ARHGAP24: variants seen among roughly 807,000 people sequenced by gnomAD.
ARHGAP24 encodes Rho GTPase activating protein 24, also known as rho GTPase-activating protein 24.
Under a neutral mutation model 76.4 loss-of-function variants are expected in ARHGAP24, and 50 were observed. That is an observed-to-expected ratio of 0.65 (90% CI 0.52 to 0.83). ARHGAP24 has a LOEUF of 0.83. Among genes scored for constraint, ARHGAP24 ranks in the 40% least tolerant of loss-of-function variants. The pLI is 0.00. For synonymous variants in ARHGAP24, 345 were observed against 323.3 expected (o/e 1.07, Z -0.72); for missense variants, 930 against 914.2 (o/e 1.02, Z -0.22).
intron 5 of ARHGAP24, 45 bp from the exon 6 acceptor site, chr4:85,971,991 A>G (rs1372955774): frequency 6.2e-7 from 1 of 1,613,660 alleles, no homozygotes; most frequent in Admixed American, 1.7e-5. Flanking sequence ...ATAGAATGGT[A>G]TGAAGTTTAC....
intron 4 of ARHGAP24, among the ~76,000 whole-genome samples, chr4:85,933,530 A>G (rs1345913723): frequency 6.6e-6 from 1 of 152,206 alleles, no homozygotes; most frequent in African/African-American, 2.4e-5. Flanking sequence ...AAGGTCACTG[A>G]AAATGATTTC....
At chr4:85,524,564 A>G (rs747878090) in intron 1 of ARHGAP24, among the ~76,000 whole-genome samples, 2 of 152,154 alleles carry the variant, frequency 1.3e-5, no homozygotes, top group Admixed American at 6.5e-5. Context: ...CCTATTTTAC[A>G]TTTGGGGAGA....
At chr4:85,948,999 C>T (rs1186203092) in intron 5 of ARHGAP24, among the ~76,000 whole-genome samples, 1 of 152,126 alleles carries the variant, frequency 6.6e-6, no homozygotes, top group African/African-American at 2.4e-5. Flanking sequence ...ATAAAAGAAG[C>T]CAATTAATAC....
intron 3 of ARHGAP24, among the ~76,000 whole-genome samples, chr4:85,894,216 T>A (rs2148782340): frequency 6.6e-6 from 1 of 152,014 alleles, no homozygotes; most frequent in East Asian, 1.9e-4. Context: ...TACATCTGGA[T>A]GGCAAAAGAG....
intron 3 of ARHGAP24, among the ~76,000 whole-genome samples, chr4:85,840,443 A>C (rs1730538990): frequency 6.6e-6 from 1 of 152,202 alleles, no homozygotes. Context: ...CAGGAGCCAC[A>C]GAAGGTCTGA....
In ARHGAP24 at chr4:85,924,873, G is replaced by C. The variant is rs560681471; in HGVS notation, c.391+1103G>C. 2.0e-5 allele frequency: 3 copies of C among 152,270 alleles called. No individual in the cohort carries two copies. In the South Asian group the frequency reaches 6.2e-4, roughly 32 times the overall value. 9.4% of individuals were successfully genotyped at this position (152,270 alleles called of 1,614,324 possible). ...GAAAGGGAAGGTTCCTAACCAGGAT[G>C]ACCATTCATTCCAGTTTCCTTAGTA... is the stretch of plus-strand genomic sequence containing the variant. On this transcript the variant is annotated intron_variant, in intron 4 of 9. Coordinates refer to ENST00000395184, the MANE Select transcript of ARHGAP24 (RefSeq NM_001025616.3).
chr4:85,847,913 G>A (rs1258068926), intron 3 of ARHGAP24, among the ~76,000 whole-genome samples: 3 of 152,072 alleles, frequency 2.0e-5, no homozygotes, highest in Non-Finnish European at 4.4e-5. Flanking sequence ...GCATCCCAGT[G>A]CTGCAGATGA....
chr4:85,943,560 T>C (rs1337042207), intron 5 of ARHGAP24, among the ~76,000 whole-genome samples: 3 of 152,090 alleles, frequency 2.0e-5, no homozygotes, highest in African/African-American at 7.2e-5. Flanking sequence ...GCTGCACCCA[T>C]CAACCCATCA....
chr4:85,517,010 C>T (rs1297301428), intron 1 of ARHGAP24, among the ~76,000 whole-genome samples: 1 of 152,114 alleles, frequency 6.6e-6, no homozygotes, highest in Admixed American at 6.6e-5. Flanking sequence ...GTTTCCCCAA[C>T]CTCAGTTTTC....
At chr4:85,487,385 A>G (rs1313371302) in intron 1 of ARHGAP24, among the ~76,000 whole-genome samples, 2 of 114,828 alleles carry the variant, frequency 1.7e-5, no homozygotes, top group Non-Finnish European at 3.2e-5. Context: ...ATTTATATAT[A>G]TTATATAAAC....
At position 85,929,250 on chromosome 4, in the gene ARHGAP24, A is replaced by G. The variant is rs146544182; in HGVS notation, c.391+5480A>G. 9.8e-4 allele frequency among the ~76,000 whole-genome samples: 150 copies of G among 152,352 alleles called. 1 individual carries two copies. Among genetic ancestry groups the G allele is most frequent in the African/African-American group, 2.9e-3 (121 of 41,584 alleles). On this transcript the variant is annotated intron_variant, in intron 4 of 9. Transcript: ENST00000395184. Reference sequence around the variant, plus strand: ...CGTGCTGTGACACAGAAGGTAAAATACCATTTGAACCACAGGGCAGAACTA... The same window carrying G: ...CGTGCTGTGACACAGAAGGTAAAATGCCATTTGAACCACAGGGCAGAACTA...
intron 2 of ARHGAP24, among the ~76,000 whole-genome samples, chr4:85,681,064 A>C (rs1336886716): frequency 1.3e-5 from 2 of 152,298 alleles, no homozygotes; most frequent in East Asian, 3.9e-4. Flanking sequence ...ATGTTCTCAA[A>C]ATTCAACAGA....
At chr4:85,890,031 T>C (rs554321560) in intron 3 of ARHGAP24, among the ~76,000 whole-genome samples, 3 of 152,266 alleles carry the variant, frequency 2.0e-5, no homozygotes, top group African/African-American at 7.2e-5. Flanking sequence ...ATATATAGTT[T>C]CCTTCCCATC....
intron 1 of ARHGAP24, among the ~76,000 whole-genome samples, chr4:85,498,729 G>T (rs775995111): frequency 6.6e-6 from 1 of 152,174 alleles, no homozygotes; most frequent in African/African-American, 2.4e-5. Context: ...CAGATTGCTC[G>T]AGTGAGCCTT....
At chr4:85,790,611 G>A (rs970759126) in intron 3 of ARHGAP24, among the ~76,000 whole-genome samples, 1 of 152,098 alleles carries the variant, frequency 6.6e-6, no homozygotes, top group Admixed American at 6.6e-5. Context: ...CAAGCATAAA[G>A]ACAGACTCTT....
intron 3 of ARHGAP24, among the ~76,000 whole-genome samples, chr4:85,740,224 G>GTTT (rs35165918): frequency 1.4e-5 from 2 of 144,518 alleles, no homozygotes; most frequent in Non-Finnish European, 1.5e-5. Flanking sequence ...TGTTGTTGGG[G>GTTT]TTTTTTTTTT....
intron 4 of ARHGAP24, among the ~76,000 whole-genome samples, chr4:85,929,221 G>A (rs1165229312): frequency 6.6e-6 from 1 of 152,168 alleles, no homozygotes; most frequent in Non-Finnish European, 1.5e-5. Context: ...TATTTTCTTA[G>A]CAGCGTGCTG....
chr4:85,673,930 A>G (rs1722890522), intron 2 of ARHGAP24, among the ~76,000 whole-genome samples: 1 of 151,956 alleles, frequency 6.6e-6, no homozygotes, highest in African/African-American at 2.4e-5. Context: ...CGTAGCTTGT[A>G]TTTAATGGAA....
At chr4:85,597,188 C>A (rs1719870251) in intron 2 of ARHGAP24, among the ~76,000 whole-genome samples, 1 of 152,034 alleles carries the variant, frequency 6.6e-6, no homozygotes, top group Admixed American at 6.6e-5. Context: ...ATTCTTTAAC[C>A]AATCTTAAGA....
Sources: allele counts gnomAD v4.1 joint callset (sites outside exome capture counted in the v4.1 genomes callset), GRCh38; gene constraint gnomAD v4.1.1; transcripts MANE v1.5; gene names NCBI Gene and HGNC (gene_info 2026-07-23, HGNC 2026-07-21).